Variants in PUF60 observed in about 807,000 individuals in gnomAD.
PUF60 encodes the protein poly(U) binding splicing factor 60, also known as poly(U)-binding-splicing factor PUF60.
PUF60 carries 10 observed loss-of-function variants against 61.8 expected under a neutral mutation model. The ratio of observed to expected loss-of-function variants is 0.16; its 90% CI spans 0.10 to 0.27. The LOEUF (loss-of-function observed/expected upper bound fraction) is 0.27. Ranked by LOEUF, PUF60 falls within the 10% of genes least tolerant of loss-of-function variation. PUF60 has a pLI of 1.00. For synonymous variants in PUF60, 353 were observed against 300.9 expected, an observed-to-expected ratio of 1.17 and a Z score of -1.79; for missense variants, 371 against 754.0, an observed-to-expected ratio of 0.49 and a Z score of 5.95.
rs780981891 is a variant in PUF60, at chr8:143,818,043, C to T, written c.636G>A (p.Gln212=). The T allele has an allele frequency of 3.1e-6, 5 of 1,612,708 alleles. No homozygotes were observed. In the Admixed American group the frequency reaches 8.3e-5, roughly 27 times the overall value. Residue 212 remains glutamine, a synonymous_variant, in exon 8 of 12, where the codon CAG becomes CAA. Transcript: ENST00000526683. The surrounding 1 kb of genome is among the most constrained non-coding windows in gnomAD (Gnocchi z 7.9). ...VGRPSNIGQA[Q]PIIDQLAEEA... ...CCTCAGCCAACTGGTCTATGATGGG[C>T]TGGGCCTGCCCTATGTTGCTGGGTC... is the stretch of plus-strand genomic sequence containing the variant.
chr8:143,829,211 C>T (rs1818020255), intron 1 of PUF60, 69 bp downstream of exon 1: 1 of 1,233,970 alleles, frequency 8.1e-7, no homozygotes, highest in Non-Finnish European at 1.0e-6. Flanking sequence ...GCCCTCCGCG[C>T]CCAGGCTGGG....
chr8:143,824,552 C>T (rs546146743), intron 1 of PUF60, 153 bp from the exon 2 acceptor site: 6 of 707,842 alleles, frequency 8.5e-6, no homozygotes, highest in African/African-American at 5.3e-5. Flanking sequence ...CCCAAACTGC[C>T]CTCTCTTCAC....
At position 143,821,917 on chromosome 8, in the gene PUF60, G is replaced by GT; in HGVS notation, c.112-5dup. ...CCATCTTGATGGAGTCTGTGCCCTG[G>GT]TAAGGGAGCAGGGGAATCCATCAGC... On this transcript the variant is annotated splice_polypyrimidine_tract_variant and splice_region_variant and intron_variant, in intron 2 of 11. Coordinates refer to ENST00000526683, the MANE Select transcript of PUF60 (RefSeq NM_078480.3). 6.3e-7 allele frequency: 1 copy of GT among 1,591,022 alleles called. No homozygotes were observed. The highest frequency in any genetic ancestry group is 1.3e-5 in the African/African-American group (1 of 74,740).
Position 143,817,407 on chromosome 8 carries a change from T to C in PUF60, c.1068A>G (p.Pro356=). ...CCAGGGGCTGGGCCAGGGTCAGTGCTGGGGACACCAGTCCAGGTGTGCCCA... is the reference window on the plus strand; with the variant it reads ...CCAGGGGCTGGGCCAGGGTCAGTGCCGGGGACACCAGTCCAGGTGTGCCCA... ...GTLGTPGLVS[P]ALTLAQPLGT... is the part of the protein sequence containing the mutation. Residue 356 remains proline (P), a synonymous_variant, in exon 10 of 12, where the codon CCA becomes CCG. Transcript: ENST00000526683. The surrounding 1 kb of genome is among the most constrained non-coding windows in gnomAD (Gnocchi z 7.4). 1 of 1,601,350 alleles carries C rather than the reference T, an allele frequency of 6.2e-7. No individual in the cohort carries two copies.
chr8:143,822,377 A>G (rs1817122717), intron 2 of PUF60: 1 of 407,304 alleles, frequency 2.5e-6, no homozygotes, highest in Non-Finnish European at 5.0e-6. Flanking sequence ...CCTGCCACAG[A>G]CACAGGCTCA....
At chr8:143,827,417 G>A in intron 1 of PUF60, 1 of 456,282 alleles carries the variant, frequency 2.2e-6, no homozygotes, top group Non-Finnish European at 4.4e-6. Context: ...GCCTCATTCT[G>A]CAGCCACCAG....
intron 2 of PUF60, 52 bp downstream of exon 2, chr8:143,824,259 CGG>C (rs1817378354): frequency 1.5e-5 from 22 of 1,488,654 alleles, no homozygotes; most frequent in Non-Finnish European, 2.0e-5. Context: ...GGCAGGCGGG[CGG>C]GCGGGCGGGC....
intron 1 of PUF60, 168 bp downstream of exon 1, chr8:143,829,112 G>C: frequency 2.6e-6 from 3 of 1,154,632 alleles, no homozygotes; most frequent in Non-Finnish European, 3.2e-6. Context: ...CCGGCCGCCG[G>C]CGCGCGCCCG....
chr8:143,822,664 C>T lies in PUF60; in HGVS notation c.112-751G>A, dbSNP rs570386642. ...AGAGGCCCTTGGGCAGTCACAGCCA[C>T]TGCAGACCCAAGCTGATGCCAACCA... On this transcript the variant is annotated intron_variant, in intron 2 of 11. Coordinates refer to ENST00000526683, the MANE Select transcript of PUF60 (RefSeq NM_078480.3). 4.4e-4 allele frequency: 192 copies of T among 438,524 alleles called. 1 individual carries two copies. The highest frequency in any genetic ancestry group is 3.1e-3 in the African/African-American group (152 of 49,448). The allele number at this position is 438,524 out of a possible 1,614,324, so 27.2% of individuals were successfully genotyped here.
At chr8:143,827,877 C>T (rs1817809763) in intron 1 of PUF60, among the ~76,000 whole-genome samples, 1 of 152,164 alleles carries the variant, frequency 6.6e-6, no homozygotes, top group Non-Finnish European at 1.5e-5. Context: ...GAGCACAGGG[C>T]GCTGTTCTGC....
chr8:143,816,977 T>C lies in PUF60; in HGVS notation c.1313A>G (p.Glu438Gly). 1 of 1,603,688 alleles carries C rather than the reference T, an allele frequency of 6.2e-7. No homozygotes were observed. The highest frequency in any genetic ancestry group is 8.5e-7 in the Non-Finnish European group (1 of 1,175,524). Reference sequence around the variant, plus strand: ...GCTACTGCCCGAGATGCTCATGTGCTCCTGCTCGCTCAGCATCTCTGGCCG... The same window carrying C: ...GCTACTGCCCGAGATGCTCATGTGCCCCTGCTCGCTCAGCATCTCTGGCCG... ...SERPEMLSEQ[E>G]HMSISGSSAR... Residue 438 changes from glutamate to glycine, a missense_variant, in exon 11 of 12, where the codon GAG becomes GGG. Physicochemically the swap from Glu to Gly is moderately conservative, Grantham distance 98. Coordinates refer to ENST00000526683, the MANE Select transcript of PUF60 (RefSeq NM_078480.3).
intron 1 of PUF60, among the ~76,000 whole-genome samples, chr8:143,828,365 A>G (rs1023678038): frequency 6.6e-6 from 1 of 152,240 alleles, no homozygotes; most frequent in African/African-American, 2.4e-5. Context: ...CAAGTAATAC[A>G]GGGGTAAACT....
chr8:143,824,464 T>G (rs1197906353), intron 1 of PUF60, 65 bp from the exon 2 acceptor site: 1 of 1,533,094 alleles, frequency 6.5e-7, no homozygotes, highest in Non-Finnish European at 8.9e-7. Flanking sequence ...CCTGCTCTCC[T>G]CCCGAGCTAA....
rs941827828 is a variant in PUF60 at position 143,817,108 on chromosome 8, G to A, written c.1182C>T (p.Ile394=). ...TGGGGTTCACCACTCCCACCGAGGG[G>A]ATGGTGACCGGGATAGGAGGACGGG... ...TPARPPIPVT[I]PSVGVVNPIL... Residue 394 remains isoleucine (I), a synonymous_variant, in exon 11 of 12, where the codon ATC becomes ATT. Transcript: ENST00000526683. The surrounding 1 kb of genome is among the most constrained non-coding windows in gnomAD (Gnocchi z 7.4). 5 of 1,610,386 alleles carry A rather than the reference G, an allele frequency of 3.1e-6. No homozygotes were observed. Among genetic ancestry groups the A allele is most frequent in the Non-Finnish European group, 4.2e-6 (5 of 1,178,818 alleles).
rs760509611 is a variant in PUF60 at position 143,824,427 on chromosome 8, G to A, written c.25-28C>T. On this transcript the variant is annotated intron_variant, in intron 1 of 11. Transcript: ENST00000526683. ...GCAGGCAGGAAGGAGATGTTGTAAC[G>A]ACAGGCACACCACCCCACCGCCCAG... 24 of 1,605,280 alleles carry A rather than the reference G, an allele frequency of 1.5e-5. 1 individual carries two copies. The East Asian group carries it at 2.2e-4, about 15-fold the overall frequency.
At position 143,816,804 on chromosome 8, in the gene PUF60, G is replaced by A. The variant is rs1423344938; in HGVS notation, c.1396C>T (p.Leu466=). Reference sequence around the variant, plus strand: ...TCCTTGGGGTCCACCATGTTGCGCAGAACCATCACTGTAGACTGTGGGGCA... The same window carrying A: ...TCCTTGGGGTCCACCATGTTGCGCAAAACCATCACTGTAGACTGTGGGGCA... ...LRKQESTVMV[L]RNMVDPKDID... Residue 466 remains leucine (L), a synonymous_variant, in exon 12 of 12, where the codon CTG becomes TTG. Coordinates refer to ENST00000526683, the MANE Select transcript of PUF60 (RefSeq NM_078480.3). 1.2e-6 allele frequency: 2 copies of A among 1,613,122 alleles called. No homozygotes were observed. The highest frequency in any genetic ancestry group is 1.3e-5 in the African/African-American group (1 of 74,912).
Position 143,821,614 on chromosome 8 carries a change from G to T in PUF60, c.280C>A (p.Gln94Lys). The change falls in exon 4 of 12, where the codon CAG becomes AAG. Residue 94 changes from glutamine (Q) to lysine (K), a missense_variant. Coordinates refer to ENST00000526683, the MANE Select transcript of PUF60 (RefSeq NM_078480.3). Reference sequence around the variant, plus strand: ...GGGCTCACCTGCAGGTTGGTGAGCTGCTGCTGCTGGTGCGCGATGGTCTGC... The same window carrying T: ...GGGCTCACCTGCAGGTTGGTGAGCTTCTGCTGCTGGTGCGCGATGGTCTGC... ...VKQTIAHQQQQLTNLQMAAVT... is the reference protein window; with the variant it reads ...VKQTIAHQQQKLTNLQMAAVT... The T allele has an allele frequency of 6.5e-7, 1 of 1,544,260 alleles. No homozygotes were observed.
intron 1 of PUF60, chr8:143,828,996 A>T (rs1482494488): frequency 1.0e-6 from 1 of 993,262 alleles, no homozygotes; most frequent in Non-Finnish European, 1.2e-6. Context: ...AGCGGACAGG[A>T]ACGCAACCCC....
chr8:143,826,391 C>A lies in PUF60; in HGVS notation c.25-1992G>T, dbSNP rs998242076. On this transcript the variant is annotated intron_variant, in intron 1 of 11. Coordinates refer to ENST00000526683, the MANE Select transcript of PUF60 (RefSeq NM_078480.3). ...GACCAGCCTGGACAACACAGCAAGA[C>A]GCTGTCTCTATGAAAAAAAAGATTT... 2.4e-4 allele frequency among the ~76,000 whole-genome samples: 36 copies of A among 152,062 alleles called. 2 individuals are homozygous for A. The highest frequency in any genetic ancestry group is 4.4e-5 in the Non-Finnish European group (3 of 68,014).
Sources: gnomAD v4.1 joint callset for allele counts (sites outside exome capture counted in the v4.1 genomes callset) on GRCh38, gnomAD v4.1.1 for gene constraint, Gnocchi (gnomAD v3.1) non-coding constraint, MANE v1.5 for transcripts, NCBI Gene and HGNC (gene_info 2026-07-23, HGNC 2026-07-21) for gene names.